The following PAX5 variants were observed in gnomAD, a reference collection of about 807,000 sequenced individuals.
PAX5 encodes the protein paired box 5.
In PAX5, 9 loss-of-function variants were observed where a neutral mutation model predicts 43.7. That is an observed-to-expected ratio of 0.21 (90% CI 0.12 to 0.36). PAX5 has a LOEUF of 0.36. Ranked by LOEUF, PAX5 falls within the 10% of genes least tolerant of loss-of-function variation. PAX5 has a pLI of 1.00. For synonymous variants in PAX5, 228 were observed against 214.3 expected (o/e 1.06, Z -0.56); for missense variants, 383 against 532.7 (o/e 0.72, Z 2.77).
chr9:36,976,960 C>T (rs1835487385), intron 5 of PAX5, among the ~76,000 whole-genome samples: 1 of 152,184 alleles, frequency 6.6e-6, no homozygotes, highest in South Asian at 2.1e-4. Flanking sequence ...ATCCGTTGAT[C>T]CCTGAGCTAC....
chr9:36,852,237 C>T (rs888212723), intron 8 of PAX5, among the ~76,000 whole-genome samples: 1 of 152,186 alleles, frequency 6.6e-6, no homozygotes, highest in African/African-American at 2.4e-5. Context: ...TCCCCCTGCC[C>T]CTTCACCCTT....
At chr9:36,992,483 A>G (rs1358505201) in intron 5 of PAX5, among the ~76,000 whole-genome samples, 2 of 152,224 alleles carry the variant, frequency 1.3e-5, no homozygotes, top group African/African-American at 4.8e-5. Flanking sequence ...GGCACAGAAG[A>G]AAGCCTGCTG....
intron 7 of PAX5, among the ~76,000 whole-genome samples, chr9:36,914,764 C>T (rs1829594234): frequency 6.6e-6 from 1 of 152,030 alleles, no homozygotes; most frequent in Non-Finnish European, 1.5e-5. Flanking sequence ...CCATAATGCC[C>T]CAAAAAGCAG....
chr9:36,927,211 A>T (rs1830714176), intron 6 of PAX5, among the ~76,000 whole-genome samples: 1 of 152,156 alleles, frequency 6.6e-6, no homozygotes, highest in Non-Finnish European at 1.5e-5. Context: ...GCCAAGAGTC[A>T]GCATCCCTGC....
chr9:36,939,986 T>C (rs1413705356), intron 6 of PAX5, among the ~76,000 whole-genome samples: 2 of 152,176 alleles, frequency 1.3e-5, no homozygotes, highest in Admixed American at 6.5e-5. Flanking sequence ...CTAAATCAAA[T>C]AGCTAAATCA....
rs530583419 is a variant in PAX5 at position 36,957,704 on chromosome 9, C to T, written c.780+8845G>A. Among the ~76,000 whole-genome samples, 31 of 152,278 alleles carry T rather than the reference C, an allele frequency of 2.0e-4. 1 individual carries two copies. The South Asian group carries it at 6.2e-3, about 31-fold the overall frequency. ...TACGCAAATATTAACACTTTCTATGCGTGCTATGGTAATTGGGAAGTCCTG... is the reference window on the plus strand; with the variant it reads ...TACGCAAATATTAACACTTTCTATGTGTGCTATGGTAATTGGGAAGTCCTG... On this transcript the variant is annotated intron_variant, in intron 6 of 9. Coordinates refer to ENST00000358127, the MANE Select transcript of PAX5 (RefSeq NM_016734.3).
intron 5 of PAX5, among the ~76,000 whole-genome samples, chr9:36,999,766 G>T (rs1334210999): frequency 1.3e-5 from 2 of 152,194 alleles, no homozygotes; most frequent in African/African-American, 2.4e-5. Context: ...CGGCCAGTGT[G>T]CCTGAAATAT....
intron 5 of PAX5, among the ~76,000 whole-genome samples, chr9:36,968,172 C>T (rs1834606384): frequency 1.3e-5 from 2 of 152,188 alleles, no homozygotes; most frequent in South Asian, 4.1e-4. Context: ...GGAAAACCAG[C>T]GTGGGTCTGC....
chr9:36,975,918 T>C lies in PAX5; in HGVS notation c.605-9194A>G, dbSNP rs76815508. Reference sequence around the variant, plus strand: ...GCCCATGTCCCATTTACCTCAAGCATAGGAGATGCTAATGAATGTTTGTTG... The same window carrying C: ...GCCCATGTCCCATTTACCTCAAGCACAGGAGATGCTAATGAATGTTTGTTG... On this transcript the variant is annotated intron_variant, in intron 5 of 9. Coordinates refer to ENST00000358127, the MANE Select transcript of PAX5 (RefSeq NM_016734.3). 6.1e-3 allele frequency among the ~76,000 whole-genome samples: 936 copies of C among 152,320 alleles called. 12 individuals are homozygous for C. The highest frequency in any genetic ancestry group is 0.022 in the African/African-American group (899 of 41,560).
intron 5 of PAX5, among the ~76,000 whole-genome samples, chr9:36,999,658 C>G (rs1475949151): frequency 6.6e-6 from 1 of 152,200 alleles, no homozygotes; most frequent in East Asian, 1.9e-4. Context: ...TCTCCATTGC[C>G]TCTCTTACCC....
At chr9:37,026,956 A>T (rs1840450077) in intron 1 of PAX5, among the ~76,000 whole-genome samples, 1 of 152,206 alleles carries the variant, frequency 6.6e-6, no homozygotes, top group African/African-American at 2.4e-5. Flanking sequence ...AGGAAGGAGC[A>T]GCTTTGAGGA....
intron 8 of PAX5, among the ~76,000 whole-genome samples, chr9:36,865,737 C>CA (rs948407214): frequency 7.2e-5 from 11 of 152,206 alleles, no homozygotes; most frequent in East Asian, 1.9e-4. Context: ...TGTCCACTGT[C>CA]AAAATCACAA....
At chr9:37,029,783 T>C (rs1588281273) in intron 1 of PAX5, among the ~76,000 whole-genome samples, 1 of 152,288 alleles carries the variant, frequency 6.6e-6, no homozygotes, top group East Asian at 1.9e-4. Context: ...CCAGGTTCTC[T>C]AGATTCTTAG....
chr9:37,012,654 C>T (rs1319903353), intron 3 of PAX5, among the ~76,000 whole-genome samples: 1 of 152,206 alleles, frequency 6.6e-6, no homozygotes, highest in East Asian at 1.9e-4. Context: ...AACCACTGCT[C>T]TATTTGCCTC....
chr9:36,908,459 C>T (rs2131890424), intron 7 of PAX5, among the ~76,000 whole-genome samples: 1 of 152,210 alleles, frequency 6.6e-6, no homozygotes, highest in Non-Finnish European at 1.5e-5. Context: ...TTTGCCTCCC[C>T]CATCAGACTG....
At chr9:36,929,743 T>TCTC (rs1830971372) in intron 6 of PAX5, among the ~76,000 whole-genome samples, 1 of 152,218 alleles carries the variant, frequency 6.6e-6, no homozygotes, top group South Asian at 2.1e-4. Context: ...ATCTTTCTTT[T>TCTC]TGAGACAGAG....
rs149762979 is a variant in PAX5 at position 37,023,424 on chromosome 9, C to T, written c.47-2623G>A. On this transcript the variant is annotated intron_variant, in intron 1 of 9. Transcript: ENST00000358127. ...ACTCCAGTTAGGTGAGGACTCATCC[C>T]GTGAAAGGGGGACTGACACAGAGAC... 2.2e-4 allele frequency among the ~76,000 whole-genome samples: 33 copies of T among 152,178 alleles called. No homozygotes were observed. The East Asian group carries it at 5.4e-3, about 25-fold the overall frequency.
chr9:36,954,652 T>C (rs1367389726), intron 6 of PAX5, among the ~76,000 whole-genome samples: 3 of 152,240 alleles, frequency 2.0e-5, no homozygotes, highest in Non-Finnish European at 4.4e-5. Context: ...GTCTTTGATG[T>C]TCTTCAATTT....
At chr9:36,973,834 C>T (rs573735546) in intron 5 of PAX5, among the ~76,000 whole-genome samples, 33 of 152,154 alleles carry the variant, frequency 2.2e-4, no homozygotes, top group Non-Finnish European at 4.1e-4. Context: ...GGTAAAACCC[C>T]GTCTCTACTA....
Sources: gnomAD v4.1 joint callset for allele counts (sites outside exome capture counted in the v4.1 genomes callset) on GRCh38, gnomAD v4.1.1 for gene constraint, MANE v1.5 for transcripts, NCBI Gene and HGNC (gene_info 2026-07-23, HGNC 2026-07-21) for gene names.